SLC4A4: variants seen among roughly 807,000 people sequenced by gnomAD.
SLC4A4 encodes electrogenic sodium bicarbonate cotransporter 1.
SLC4A4 carries 27 observed loss-of-function variants against 111.5 expected under a neutral mutation model. That is an observed-to-expected ratio of 0.24 (90% CI 0.18 to 0.33). The LOEUF (loss-of-function observed/expected upper bound fraction) is 0.33, where lower values mean the gene tolerates loss of function less well. SLC4A4 is among the 10% of genes least tolerant of loss of function. The pLI, the probability that SLC4A4 is intolerant of heterozygous loss-of-function variation, is 1.00. For synonymous variants in SLC4A4, 443 were observed against 463.4 expected (o/e 0.96, Z 0.57); for missense variants, 909 against 1,315.5 (o/e 0.69, Z 4.78).
At chr4:71,474,906 C>A (rs373857024) in intron 14 of SLC4A4, among the ~76,000 whole-genome samples, 1 of 151,794 alleles carries the variant, frequency 6.6e-6, no homozygotes, top group South Asian at 2.1e-4. Context: ...ATTAAATGTG[C>A]TCCCCAGAGA....
chr4:71,107,593 G>A (rs1045888448), intron 2 of SLC4A4, among the ~76,000 whole-genome samples: 8 of 152,016 alleles, frequency 5.3e-5, no homozygotes, highest in South Asian at 4.2e-4. Context: ...CAAATGATAC[G>A]CTGCCTCGGC....
At chr4:71,441,992 G>C (rs1393648824) in intron 8 of SLC4A4, among the ~76,000 whole-genome samples, 1 of 152,158 alleles carries the variant, frequency 6.6e-6, no homozygotes, top group Non-Finnish European at 1.5e-5. Context: ...CTGGCGAACA[G>C]CTGACTCAGA....
At chr4:71,173,324 T>G (rs1171855731) in intron 2 of SLC4A4, among the ~76,000 whole-genome samples, 1 of 152,212 alleles carries the variant, frequency 6.6e-6, no homozygotes, top group Non-Finnish European at 1.5e-5. Flanking sequence ...GAGAAGTAGA[T>G]GTAATTTAGG....
At chr4:71,157,246 A>G (rs1744502459) in intron 2 of SLC4A4, among the ~76,000 whole-genome samples, 1 of 152,190 alleles carries the variant, frequency 6.6e-6, no homozygotes, top group Non-Finnish European at 1.5e-5. Flanking sequence ...ATTGTTAGGC[A>G]CTAATGCAAT....
chr4:71,495,764 A>G (rs1292931619), intron 15 of SLC4A4, among the ~76,000 whole-genome samples: 1 of 152,122 alleles, frequency 6.6e-6, no homozygotes, highest in Non-Finnish European at 1.5e-5. Context: ...TTATCTTTCC[A>G]CATTTATTTG....
chr4:71,180,331 A>G (rs1019235238), intron 2 of SLC4A4, among the ~76,000 whole-genome samples: 4 of 152,256 alleles, frequency 2.6e-5, no homozygotes, highest in Non-Finnish European at 5.9e-5. Flanking sequence ...CAATGGCAAC[A>G]AAAGCCAAAA....
chr4:71,244,559 C>T (rs1410015670), intron 2 of SLC4A4, among the ~76,000 whole-genome samples: 1 of 152,128 alleles, frequency 6.6e-6, no homozygotes, highest in African/African-American at 2.4e-5. Flanking sequence ...TGAAATCCCC[C>T]AGGATTAACC....
intron 13 of SLC4A4, 149 bp from the exon 14 acceptor site, chr4:71,472,550 G>A (rs1727981068): frequency 7.8e-6 from 6 of 766,856 alleles, no homozygotes; most frequent in Non-Finnish European, 1.3e-5. Flanking sequence ...CTTAAACTTA[G>A]TGCTTTCTGG....
At chr4:71,450,337 A>G (rs1560518846) in intron 9 of SLC4A4, 52 bp from the exon 10 acceptor site, 1 of 1,271,148 alleles carries the variant, frequency 7.9e-7, no homozygotes, top group Non-Finnish European at 1.2e-6. Flanking sequence ...TATGGTGTGA[A>G]GCATGTACAG....
intron 21 of SLC4A4, among the ~76,000 whole-genome samples, chr4:71,556,914 A>G (rs1386667911): frequency 6.6e-6 from 1 of 152,006 alleles, no homozygotes; most frequent in East Asian, 1.9e-4. Context: ...CTATTTACTG[A>G]GCATCTTTCA....
chr4:71,491,952 TTTA>T (rs967125237), intron 15 of SLC4A4, among the ~76,000 whole-genome samples: 1 of 151,378 alleles, frequency 6.6e-6, no homozygotes, highest in Non-Finnish European at 1.5e-5. Flanking sequence ...AATTATTATT[TTTA>T]TTATTATTAT....
At chr4:71,072,546 T>G (rs780010755) in intron 1 of SLC4A4, among the ~76,000 whole-genome samples, 30 of 150,072 alleles carry the variant, frequency 2.0e-4, no homozygotes, top group Non-Finnish European at 3.7e-4. Flanking sequence ...TTTTAGAGCT[T>G]CCCAGCCTTA....
At chr4:71,546,276 T>C in intron 18 of SLC4A4, 74 bp from the exon 19 acceptor site, 1 of 1,317,280 alleles carries the variant, frequency 7.6e-7, no homozygotes, top group Admixed American at 1.7e-5. Context: ...GTCATCTTAA[T>C]TCCCCTCTGG....
At chr4:71,175,838 C>A (rs563377668) in intron 2 of SLC4A4, among the ~76,000 whole-genome samples, 1 of 152,272 alleles carries the variant, frequency 6.6e-6, no homozygotes, top group East Asian at 1.9e-4. Flanking sequence ...TAGCGGTTCT[C>A]CAAGCACACA....
intron 2 of SLC4A4, among the ~76,000 whole-genome samples, chr4:71,242,493 G>A (rs552639251): frequency 6.6e-6 from 1 of 152,170 alleles, no homozygotes; most frequent in African/African-American, 2.4e-5. Flanking sequence ...TAGATTATGG[G>A]TTTTTCTCTT....
intron 16 of SLC4A4, among the ~76,000 whole-genome samples, chr4:71,528,817 C>A (rs1444963826): frequency 6.6e-6 from 1 of 151,564 alleles, no homozygotes; most frequent in Non-Finnish European, 1.5e-5. Flanking sequence ...GTGGAAAAAT[C>A]AAAATATCAA....
chr4:71,156,931 T>C (rs1386162304), intron 2 of SLC4A4, among the ~76,000 whole-genome samples: 4 of 152,166 alleles, frequency 2.6e-5, no homozygotes, highest in African/African-American at 9.7e-5. Context: ...TTTACGATCA[T>C]TTTTATTAGT....
At chr4:71,494,065 C>A (rs772787107) in intron 15 of SLC4A4, among the ~76,000 whole-genome samples, 4 of 151,838 alleles carry the variant, frequency 2.6e-5, no homozygotes, top group Non-Finnish European at 5.9e-5. Context: ...TATTGTCTTA[C>A]AACTGCAATG....
At chr4:71,096,154 T>C (rs1469676616) in intron 2 of SLC4A4, among the ~76,000 whole-genome samples, 2 of 152,068 alleles carry the variant, frequency 1.3e-5, no homozygotes, top group Non-Finnish European at 2.9e-5. Context: ...GTGGGAAGTA[T>C]GCCTCTGGAA....
Sources: allele counts gnomAD v4.1 joint callset (sites outside exome capture counted in the v4.1 genomes callset), GRCh38; gene constraint gnomAD v4.1.1; transcripts MANE v1.5; gene names NCBI Gene and HGNC (gene_info 2026-07-23, HGNC 2026-07-21).